The following TASP1 variants were observed in gnomAD, a reference collection of about 807,000 sequenced individuals.
TASP1 encodes the protein taspase 1.
In TASP1, 16 loss-of-function variants were observed where a neutral mutation model predicts 56.6. That is an observed-to-expected ratio of 0.28 (90% confidence interval 0.19 to 0.43). The LOEUF (loss-of-function observed/expected upper bound fraction) is 0.43, where lower values mean the gene tolerates loss of function less well. Among genes scored for constraint, TASP1 ranks in the 20% least tolerant of loss-of-function variants. The pLI is 1.00. For missense variants in TASP1, 393 were observed against 511.6 expected, an observed-to-expected ratio of 0.77 and a Z score of 2.24; for synonymous variants, 179 against 184.2, an observed-to-expected ratio of 0.97 and a Z score of 0.23.
the TASP1 span, among the ~76,000 whole-genome samples, chr20:13,111,073 A>G: frequency 6.6e-6 from 1 of 152,286 alleles, no homozygotes; most frequent in Middle Eastern, 3.4e-3. Flanking sequence ...TTTTAAGAAA[A>G]AAAAAGTGAA....
chr20:13,339,729 T>C, the TASP1 span, among the ~76,000 whole-genome samples: 1 of 152,082 alleles, frequency 6.6e-6, no homozygotes, highest in Admixed American at 6.5e-5. Flanking sequence ...AGTGACAGTA[T>C]GTCAACCTTT....
the TASP1 span, among the ~76,000 whole-genome samples, chr20:13,144,331 A>C: frequency 1.3e-5 from 2 of 152,246 alleles, no homozygotes; most frequent in African/African-American, 4.8e-5. Flanking sequence ...TTAATCTTCC[A>C]CTGAACACAA....
chr20:13,415,138 G>A (rs893952563), intron 13 of TASP1, among the ~76,000 whole-genome samples: 1 of 151,966 alleles, frequency 6.6e-6, no homozygotes, highest in East Asian at 1.9e-4. Flanking sequence ...TCGCTACCAC[G>A]GCTCTCAACA....
At chr20:13,222,207 G>A in the TASP1 span, among the ~76,000 whole-genome samples, 14 of 152,150 alleles carry the variant, frequency 9.2e-5, no homozygotes, top group Admixed American at 9.2e-4. Context: ...GGTTTGGGAT[G>A]AGCAGAGGAA....
At chr20:13,401,121 T>C (rs2041723177) in intron 13 of TASP1, among the ~76,000 whole-genome samples, 1 of 152,160 alleles carries the variant, frequency 6.6e-6, no homozygotes, top group Non-Finnish European at 1.5e-5. Flanking sequence ...ACATAGGAAG[T>C]GGGTCCCAGT....
chr20:13,546,810 C>A lies in TASP1; in HGVS notation c.675+12198G>T, dbSNP rs7264836. Among the ~76,000 whole-genome samples the A allele has an allele frequency of 9.6e-3, 1,467 of 152,258 alleles. 34 individuals carry two copies. The highest frequency in any genetic ancestry group is 0.033 in the African/African-American group (1,378 of 41,548). Reference sequence around the variant, plus strand: ...AGCTATTATTTTTCAACATTCATTTCCCTCCCTTACTTACATATTATCTTA... The same window carrying A: ...AGCTATTATTTTTCAACATTCATTTACCTCCCTTACTTACATATTATCTTA... On this transcript the variant is annotated intron_variant, in intron 8 of 13. Transcript: ENST00000337743.
At chr20:13,273,242 T>TTTA in the TASP1 span, among the ~76,000 whole-genome samples, 1 of 150,652 alleles carries the variant, frequency 6.6e-6, no homozygotes, top group Admixed American at 6.6e-5. Context: ...TTTATTTTAT[T>TTTA]TTATTTTATT....
the TASP1 span, among the ~76,000 whole-genome samples, chr20:13,231,827 G>C: frequency 6.6e-6 from 1 of 152,148 alleles, no homozygotes; most frequent in African/African-American, 2.4e-5. Flanking sequence ...TTGCAGTTTT[G>C]AGTACCCCAA....
chr20:13,212,157 G>A, the TASP1 span, among the ~76,000 whole-genome samples: 5 of 152,054 alleles, frequency 3.3e-5, no homozygotes, highest in Admixed American at 2.6e-4. Context: ...GGGTGGGGTC[G>A]GTGTAACTAA....
At chr20:13,296,745 C>A in the TASP1 span, among the ~76,000 whole-genome samples, 1 of 152,144 alleles carries the variant, frequency 6.6e-6, no homozygotes, top group Non-Finnish European at 1.5e-5. Flanking sequence ...GTCAGCCAGG[C>A]GTGGTGGCTT....
At chr20:13,397,307 A>G (rs2123621529) in intron 13 of TASP1, among the ~76,000 whole-genome samples, 1 of 152,370 alleles carries the variant, frequency 6.6e-6, no homozygotes, top group East Asian at 1.9e-4. Context: ...AATCTTAACA[A>G]TAAGTCCCTA....
chr20:13,485,458 G>GA (rs902592488), intron 10 of TASP1, among the ~76,000 whole-genome samples: 2 of 151,634 alleles, frequency 1.3e-5, no homozygotes, highest in Admixed American at 6.6e-5. Flanking sequence ...TTCTAAAAGA[G>GA]AAAAAAAAGG....
chr20:13,379,541 C>A, the TASP1 span, among the ~76,000 whole-genome samples: 1 of 151,960 alleles, frequency 6.6e-6, no homozygotes, highest in Non-Finnish European at 1.5e-5. Context: ...GTAAATCTGA[C>A]AAACATGCGT....
At chr20:13,147,392 C>T in the TASP1 span, among the ~76,000 whole-genome samples, 2 of 152,156 alleles carry the variant, frequency 1.3e-5, no homozygotes, top group Admixed American at 1.3e-4. Flanking sequence ...TTACCGAGAT[C>T]TCTCTGCCCC....
At chr20:13,247,837 A>G in the TASP1 span, among the ~76,000 whole-genome samples, 1 of 152,258 alleles carries the variant, frequency 6.6e-6, no homozygotes, top group Non-Finnish European at 1.5e-5. Flanking sequence ...AAGAAGTAGG[A>G]TCTTGGTTTC....
chr20:13,591,951 A>T (rs2047547645), intron 4 of TASP1, among the ~76,000 whole-genome samples: 1 of 152,176 alleles, frequency 6.6e-6, no homozygotes, highest in Admixed American at 6.5e-5. Context: ...AAAATAAAAG[A>T]AGTATAGCTA....
chr20:13,288,880 G>C, the TASP1 span, among the ~76,000 whole-genome samples: 1 of 152,088 alleles, frequency 6.6e-6, no homozygotes, highest in Admixed American at 6.5e-5. Context: ...CACCTCCTGG[G>C]TTCAAGCAAT....
At chr20:13,589,382 T>C (rs536035820) in intron 4 of TASP1, among the ~76,000 whole-genome samples, 1 of 152,178 alleles carries the variant, frequency 6.6e-6, no homozygotes, top group South Asian at 2.1e-4. Flanking sequence ...TTTCAATAAA[T>C]GGTACTGGGA....
the TASP1 span, among the ~76,000 whole-genome samples, chr20:13,176,309 T>C: frequency 6.6e-6 from 1 of 152,200 alleles, no homozygotes; most frequent in Non-Finnish European, 1.5e-5. Context: ...AGAGTGGGCA[T>C]CTTTGCCTTC....
Sources: allele counts gnomAD v4.1 joint callset (sites outside exome capture counted in the v4.1 genomes callset), GRCh38; gene constraint gnomAD v4.1.1; transcripts MANE v1.5; gene names NCBI Gene and HGNC (gene_info 2026-07-23, HGNC 2026-07-21).